Variants in CACNA1C observed in about 807,000 individuals in gnomAD.
CACNA1C encodes the protein voltage-dependent L-type calcium channel subunit alpha-1C.
A neutral mutation model predicts 229.0 loss-of-function variants in CACNA1C; 30 were observed. That is an observed-to-expected ratio of 0.13 (90% CI 0.10 to 0.18). The LOEUF is 0.18. Among genes scored for constraint, CACNA1C ranks in the 10% least tolerant of loss-of-function variants. The pLI, the probability that CACNA1C is intolerant of heterozygous loss-of-function variation, is 1.00. For synonymous variants in CACNA1C, 1,114 were observed against 1,132.5 expected (o/e 0.98, Z 0.33); for missense variants, 1,658 against 2,845.0 (o/e 0.58, Z 9.49).
chr12:2,413,121 G>T (rs1166206218), intron 3 of CACNA1C, among the ~76,000 whole-genome samples: 1 of 152,186 alleles, frequency 6.6e-6, no homozygotes, highest in Admixed American at 6.5e-5. Context: ...GGGTTCAAGT[G>T]ATTCTCCTGC....
At chr12:2,142,948 T>C (rs1038586107) in intron 3 of CACNA1C, among the ~76,000 whole-genome samples, 11 of 151,258 alleles carry the variant, frequency 7.3e-5, no homozygotes, top group African/African-American at 2.7e-4. Context: ...TGAGGTTAAT[T>C]TTTAATTGAA....
intron 43 of CACNA1C, among the ~76,000 whole-genome samples, chr12:2,685,155 C>CA (rs1475379046): frequency 6.6e-6 from 1 of 152,046 alleles, no homozygotes; most frequent in Non-Finnish European, 1.5e-5. Flanking sequence ...GAGAAGCTGT[C>CA]AAATCTACTT....
chr12:2,672,006 G>A (rs543046081), intron 38 of CACNA1C: 1 of 152,362 alleles, frequency 6.6e-6, no homozygotes, highest in East Asian at 1.9e-4. Flanking sequence ...ACAAAGTCAA[G>A]TCTTGGAAGC....
chr12:2,419,946 G>A (rs1421272937), intron 3 of CACNA1C, among the ~76,000 whole-genome samples: 1 of 152,108 alleles, frequency 6.6e-6, no homozygotes, highest in Non-Finnish European at 1.5e-5. Context: ...CACCATCTCT[G>A]TACCCGCCAC....
Position 1,980,559 on chromosome 12 carries a change from GA to G in CACNA1C, c.139+9360del, listed in dbSNP as rs557454237. On this transcript the variant is annotated intron_variant, in intron 1 of 46. Coordinates refer to the CACNA1C transcript ENST00000682462. ...TTTCATTATCCCAAAGGTATCTTAAGAACAGAAGTTTTTAATTTGATGAAAT... is the reference window on the plus strand; with the variant it reads ...TTTCATTATCCCAAAGGTATCTTAAGACAGAAGTTTTTAATTTGATGAAAT... Among the ~76,000 whole-genome samples, 560 of 151,708 alleles carry G rather than the reference GA, an allele frequency of 3.7e-3. 4 individuals carry two copies. The highest frequency in any genetic ancestry group is 0.013 in the African/African-American group (530 of 41,390).
rs550303245 is a variant in CACNA1C, at chr12:2,078,548, G to C, written c.49+24937G>C. On this transcript the variant is annotated intron_variant, in intron 1 of 46. Coordinates refer to ENST00000399655, the MANE Select transcript of CACNA1C (RefSeq NM_000719.7). ...TAAAGTAGTCAAACTCTTAGAAGTAGAATTGTGGTTGCCAAGGGCTGAACG... is the reference window on the plus strand; with the variant it reads ...TAAAGTAGTCAAACTCTTAGAAGTACAATTGTGGTTGCCAAGGGCTGAACG... Among the ~76,000 whole-genome samples the C allele has an allele frequency of 5.9e-5, 9 of 152,330 alleles. No individual in the cohort carries two copies. The South Asian group carries it at 1.7e-3, about 28-fold the overall frequency.
intron 3 of CACNA1C, among the ~76,000 whole-genome samples, chr12:2,405,989 C>G (rs553278275): frequency 1.3e-5 from 2 of 152,150 alleles, no homozygotes; most frequent in Non-Finnish European, 2.9e-5. Flanking sequence ...TGTGAAAATA[C>G]CTTTATTTCC....
At chr12:2,249,894 C>T (rs1304507963) in intron 3 of CACNA1C, among the ~76,000 whole-genome samples, 13 of 152,096 alleles carry the variant, frequency 8.5e-5, no homozygotes, top group East Asian at 1.9e-4. Context: ...CCTCAAGCTC[C>T]GCCTCCCGGG....
intron 38 of CACNA1C, chr12:2,672,344 T>G (rs1413061565): frequency 6.6e-6 from 1 of 152,116 alleles, no homozygotes; most frequent in Admixed American, 6.5e-5. Context: ...GAGAATAAAT[T>G]AAGGCTGATA....
intron 3 of CACNA1C, among the ~76,000 whole-genome samples, chr12:2,292,831 C>T (rs1177420468): frequency 6.6e-6 from 1 of 152,138 alleles, no homozygotes; most frequent in Non-Finnish European, 1.5e-5. Flanking sequence ...TCCTGCCTTT[C>T]TCCCATGCCC....
At chr12:2,572,476 C>T (rs2055840924) in intron 13 of CACNA1C, among the ~76,000 whole-genome samples, 1 of 64,566 alleles carries the variant, frequency 1.5e-5, no homozygotes. Context: ...CTTCCTCCTT[C>T]TCCTCTTCCT....
chr12:2,338,557 C>T (rs535588900), intron 3 of CACNA1C, among the ~76,000 whole-genome samples: 18 of 151,794 alleles, frequency 1.2e-4, no homozygotes, highest in South Asian at 6.3e-4. Context: ...CACTGACCAC[C>T]GGTGGCTCAT....
At chr12:2,315,181 T>G (rs2095626514) in intron 3 of CACNA1C, among the ~76,000 whole-genome samples, 1 of 152,216 alleles carries the variant, frequency 6.6e-6, no homozygotes, top group Admixed American at 6.5e-5. Flanking sequence ...ACAAAGTGCC[T>G]TATTTGAACT....
At chr12:2,087,452 C>A (rs1414303272) in intron 1 of CACNA1C, among the ~76,000 whole-genome samples, 1 of 152,094 alleles carries the variant, frequency 6.6e-6, no homozygotes, top group Non-Finnish European at 1.5e-5. Flanking sequence ...TTTGGGAAGC[C>A]AAAAGTATCC....
intron 7 of CACNA1C, among the ~76,000 whole-genome samples, chr12:2,501,228 A>AAAAAAAG (rs1555683701): frequency 6.6e-6 from 1 of 150,834 alleles, no homozygotes; most frequent in Non-Finnish European, 1.5e-5. Flanking sequence ...AAAAAAAAAA[A>AAAAAAAG]AAAAAAGTAA....
chr12:2,411,730 G>A (rs1216659851), intron 3 of CACNA1C, among the ~76,000 whole-genome samples: 1 of 152,224 alleles, frequency 6.6e-6, no homozygotes, highest in South Asian at 2.1e-4. Flanking sequence ...CCTCAGGTGT[G>A]TGCAGGGGAT....
At chr12:2,398,067 G>A (rs1260357157) in intron 3 of CACNA1C, among the ~76,000 whole-genome samples, 1 of 152,246 alleles carries the variant, frequency 6.6e-6, no homozygotes, top group East Asian at 1.9e-4. Flanking sequence ...CAAGCTGGAG[G>A]CGCAATTAGA....
At chr12:2,579,101 G>A (rs1373058913) in intron 13 of CACNA1C, among the ~76,000 whole-genome samples, 1 of 152,050 alleles carries the variant, frequency 6.6e-6, no homozygotes, top group Non-Finnish European at 1.5e-5. Flanking sequence ...TCTTGCTGAC[G>A]GCACCTGGCC....
intron 5 of CACNA1C, among the ~76,000 whole-genome samples, chr12:2,465,692 A>G (rs935424197): frequency 2.6e-5 from 4 of 152,192 alleles, no homozygotes; most frequent in African/African-American, 7.2e-5. Flanking sequence ...GTTCAAAAAA[A>G]CCGCACTGCA....
Sources: gnomAD v4.1 joint callset for allele counts (sites outside exome capture counted in the v4.1 genomes callset) on GRCh38, gnomAD v4.1.1 for gene constraint, MANE v1.5 for transcripts, NCBI Gene and HGNC (gene_info 2026-07-23, HGNC 2026-07-21) for gene names.